The following SDC2 variants were observed in gnomAD, a reference collection of about 807,000 sequenced individuals.
SDC2 encodes syndecan 2.
A neutral mutation model predicts 22.2 loss-of-function variants in SDC2; 13 were observed. The ratio of observed to expected loss-of-function variants is 0.59; its 90% CI spans 0.38 to 0.93. SDC2 has a LOEUF of 0.93. SDC2 is among the 40% of genes least tolerant of loss of function. SDC2 has a pLI of 0.00. For missense variants in SDC2, 235 were observed against 246.8 expected (o/e 0.95, Z 0.32); for synonymous variants, 94 against 92.8 (o/e 1.01, Z -0.07).
intron 2 of SDC2, among the ~76,000 whole-genome samples, chr8:96,599,762 T>C (rs1814945099): frequency 6.6e-6 from 1 of 152,202 alleles, no homozygotes. Context: ...CCTGTATTTA[T>C]TCCAACATGC....
intron 3 of SDC2, among the ~76,000 whole-genome samples, chr8:96,604,167 G>C (rs1815039391): frequency 1.3e-5 from 2 of 152,180 alleles, no homozygotes; most frequent in East Asian, 3.9e-4. Context: ...GTTTTGGCTT[G>C]TAGTGATAGA....
chr8:96,509,367 C>G (rs1250183079), intron 1 of SDC2, among the ~76,000 whole-genome samples: 1 of 142,192 alleles, frequency 7.0e-6, no homozygotes, highest in Non-Finnish European at 1.6e-5. Context: ...TGTCAATAGT[C>G]TTTTGAGGTT....
chr8:96,580,770 G>T (rs767398350), intron 1 of SDC2, among the ~76,000 whole-genome samples: 1 of 152,180 alleles, frequency 6.6e-6, no homozygotes, highest in African/African-American at 2.4e-5. Flanking sequence ...AGGGAGCGGG[G>T]TGCTCATTGC....
intron 1 of SDC2, among the ~76,000 whole-genome samples, chr8:96,542,421 G>C (rs565818498): frequency 3.3e-5 from 5 of 152,268 alleles, no homozygotes; most frequent in Non-Finnish European, 5.9e-5. Context: ...TGAGGATGAG[G>C]CTCTGAAGTT....
At chr8:96,536,079 C>T (rs980760250) in intron 1 of SDC2, among the ~76,000 whole-genome samples, 2 of 152,032 alleles carry the variant, frequency 1.3e-5, no homozygotes, top group Admixed American at 1.3e-4. Context: ...ATGGACTTGC[C>T]CCTTGAGGAA....
chr8:96,580,607 G>T (rs1047626508), intron 1 of SDC2: 1 of 818,612 alleles, frequency 1.2e-6, no homozygotes. Flanking sequence ...TTAAATATTA[G>T]AAACATTGGT....
chr8:96,598,636 CA>C (rs200090009), intron 2 of SDC2, among the ~76,000 whole-genome samples: 3 of 150,550 alleles, frequency 2.0e-5, no homozygotes, highest in African/African-American at 7.3e-5. Flanking sequence ...AAATAAATAA[CA>C]AAAAAAAATA....
intron 1 of SDC2, among the ~76,000 whole-genome samples, chr8:96,555,907 T>G (rs989353644): frequency 1.3e-5 from 2 of 152,174 alleles, no homozygotes; most frequent in Admixed American, 6.6e-5. Context: ...AATTTTCTCT[T>G]AGTCCAAGAA....
At chr8:96,533,538 G>A (rs909999859) in intron 1 of SDC2, among the ~76,000 whole-genome samples, 1 of 151,514 alleles carries the variant, frequency 6.6e-6, no homozygotes, top group Non-Finnish European at 1.5e-5. Flanking sequence ...TAGACGTAAA[G>A]GTTCTCCAAG....
At chr8:96,606,494 T>C (rs1815082550) in intron 3 of SDC2, among the ~76,000 whole-genome samples, 2 of 152,198 alleles carry the variant, frequency 1.3e-5, no homozygotes, top group African/African-American at 4.8e-5. Context: ...TATGGAATTG[T>C]CTGGAGAACT....
chr8:96,532,986 G>A (rs777737362), intron 1 of SDC2, among the ~76,000 whole-genome samples: 4 of 152,176 alleles, frequency 2.6e-5, no homozygotes, highest in Non-Finnish European at 5.9e-5. Flanking sequence ...GAATGAAGCC[G>A]CAGACCCTTG....
At chr8:96,605,413 G>C (rs1347523219) in intron 3 of SDC2, among the ~76,000 whole-genome samples, 1 of 152,192 alleles carries the variant, frequency 6.6e-6, no homozygotes, top group Admixed American at 6.5e-5. Flanking sequence ...TCTCTGACCT[G>C]TTGTCTGTCT....
chr8:96,534,117 G>A lies in SDC2; in HGVS notation c.60+39786G>A, dbSNP rs540084056. ...GGCCGCTCAGAGTGCGGGGCCTGCC[G>A]AGCCCACGCCCACCTGGAACTCACT... On this transcript the variant is annotated intron_variant, in intron 1 of 4. Coordinates refer to ENST00000302190, the MANE Select transcript of SDC2 (RefSeq NM_002998.4). Among the ~76,000 whole-genome samples, 335 of 152,314 alleles carry A rather than the reference G, an allele frequency of 2.2e-3. 1 individual carries two copies. Among genetic ancestry groups the A allele is most frequent in the Non-Finnish European group, 3.5e-3 (236 of 68,016 alleles).
At chr8:96,512,989 G>GT (rs138472469) in intron 1 of SDC2, among the ~76,000 whole-genome samples, 8,861 of 152,100 alleles carry the variant, frequency 0.058, 326 homozygotes, top group Middle Eastern at 0.19. Flanking sequence ...TTCTTAGTAT[G>GT]TTTTTTATAC....
intron 1 of SDC2, among the ~76,000 whole-genome samples, chr8:96,583,576 A>G (rs543706978): frequency 2.6e-5 from 4 of 151,628 alleles, no homozygotes; most frequent in African/African-American, 9.7e-5. Context: ...TGTAATATCA[A>G]TTAGGAAAAA....
chr8:96,548,206 A>G (rs1375225478), intron 1 of SDC2, among the ~76,000 whole-genome samples: 1 of 152,250 alleles, frequency 6.6e-6, no homozygotes, highest in African/African-American at 2.4e-5. Flanking sequence ...CAACTGAAGT[A>G]GCTGATTTTT....
intron 1 of SDC2, chr8:96,537,480 G>A (rs1813772466): frequency 2.6e-5 from 1 of 38,318 alleles, no homozygotes; most frequent in Non-Finnish European, 7.8e-5. Context: ...ATATACTTAA[G>A]GGACCACACG....
chr8:96,539,594 C>T (rs1336870361), intron 1 of SDC2, among the ~76,000 whole-genome samples: 1 of 152,154 alleles, frequency 6.6e-6, no homozygotes, highest in Non-Finnish European at 1.5e-5. Flanking sequence ...AGCACTATGC[C>T]ATAGGGATCA....
intron 1 of SDC2, among the ~76,000 whole-genome samples, chr8:96,528,250 T>C (rs185413582): frequency 1.9e-4 from 29 of 152,242 alleles, no homozygotes; most frequent in Admixed American, 1.5e-3. Flanking sequence ...TGGAGAAAAT[T>C]TGATCTCTGA....
Sources: allele counts gnomAD v4.1 joint callset (sites outside exome capture counted in the v4.1 genomes callset), GRCh38; gene constraint gnomAD v4.1.1; transcripts MANE v1.5; gene names NCBI Gene and HGNC (gene_info 2026-07-23, HGNC 2026-07-21).